PLXNA4: variants seen among roughly 807,000 people sequenced by gnomAD.
PLXNA4 encodes plexin-A4.
Under a neutral mutation model 191.8 loss-of-function variants are expected in PLXNA4, and 44 were observed. The ratio of observed to expected loss-of-function variants is 0.23; its 90% CI spans 0.18 to 0.29. The LOEUF is 0.29. PLXNA4 is among the 10% of genes least tolerant of loss of function. PLXNA4 has a pLI of 1.00. For synonymous variants in PLXNA4, 1,082 were observed against 1,009.5 expected (o/e 1.07, Z -1.36); for missense variants, 1,800 against 2,488.8 (o/e 0.72, Z 5.89).
At chr7:132,244,360 C>T (rs928171278) in intron 4 of PLXNA4, among the ~76,000 whole-genome samples, 1 of 152,230 alleles carries the variant, frequency 6.6e-6, no homozygotes, top group Non-Finnish European at 1.5e-5. Flanking sequence ...ACCAGGTCTA[C>T]CTTCAAGAAA....
chr7:132,436,881 C>A (rs1416782499), intron 3 of PLXNA4, among the ~76,000 whole-genome samples: 4 of 152,202 alleles, frequency 2.6e-5, no homozygotes, highest in Admixed American at 6.5e-5. Context: ...CCACTCAATG[C>A]AGGCTGCTTC....
intron 1 of PLXNA4, among the ~76,000 whole-genome samples, chr7:132,562,065 T>TC (rs1409072714): frequency 1.8e-5 from 2 of 110,860 alleles, no homozygotes; most frequent in African/African-American, 8.3e-5. Context: ...CTCCTCCTTC[T>TC]CCTCCTCTTC....
At chr7:132,442,491 G>T (rs773116601) in intron 3 of PLXNA4, among the ~76,000 whole-genome samples, 1 of 152,000 alleles carries the variant, frequency 6.6e-6, no homozygotes, top group African/African-American at 2.4e-5. Flanking sequence ...TACTTTTCTC[G>T]AACGGGCAAC....
At chr7:132,188,997 AG>A (rs58274676) in intron 14 of PLXNA4, among the ~76,000 whole-genome samples, 1 of 45,774 alleles carries the variant, frequency 2.2e-5, no homozygotes. Context: ...AGGAAAGGAG[AG>A]AGAGAGAGAG....
chr7:132,266,178 G>A (rs938857829), intron 4 of PLXNA4: 3 of 112,656 alleles, frequency 2.7e-5, no homozygotes, highest in African/African-American at 1.2e-4. Context: ...GTGTTTGGGT[G>A]TGGGTGTGGG....
At chr7:132,434,772 C>T (rs1046253885) in intron 3 of PLXNA4, among the ~76,000 whole-genome samples, 1 of 152,222 alleles carries the variant, frequency 6.6e-6, no homozygotes, top group African/African-American at 2.4e-5. Context: ...CTCTGACCAC[C>T]TTCAGCTGCA....
intron 3 of PLXNA4, among the ~76,000 whole-genome samples, chr7:132,404,152 A>C (rs1794114746): frequency 6.6e-6 from 1 of 152,170 alleles, no homozygotes; most frequent in Admixed American, 6.5e-5. Context: ...ATTAACCCAG[A>C]GGCCTTGACC....
intron 1 of PLXNA4, among the ~76,000 whole-genome samples, chr7:132,524,214 T>A (rs1292825961): frequency 1.3e-5 from 2 of 152,194 alleles, no homozygotes; most frequent in Non-Finnish European, 2.9e-5. Context: ...GGTCCTTGGC[T>A]GGAAGAACGG....
At chr7:132,227,862 A>C (rs1327242322) in intron 6 of PLXNA4, among the ~76,000 whole-genome samples, 1 of 152,210 alleles carries the variant, frequency 6.6e-6, no homozygotes. Context: ...AAGAATGCTT[A>C]AGGGATTTGC....
chr7:132,616,797 G>T (rs1233631082), intron 2 of PLXNA4, among the ~76,000 whole-genome samples: 1 of 152,046 alleles, frequency 6.6e-6, no homozygotes, highest in Non-Finnish European at 1.5e-5. Flanking sequence ...TTACCCACCG[G>T]CCCTTTCACG....
At chr7:132,343,252 A>C (rs1416588549) in intron 3 of PLXNA4, among the ~76,000 whole-genome samples, 1 of 152,210 alleles carries the variant, frequency 6.6e-6, no homozygotes, top group African/African-American at 2.4e-5. Flanking sequence ...CCTAACATAA[A>C]ATTGACCATC....
At chr7:132,626,713 G>T (rs1194854649) in intron 2 of PLXNA4, among the ~76,000 whole-genome samples, 1 of 152,028 alleles carries the variant, frequency 6.6e-6, no homozygotes, top group African/African-American at 2.4e-5. Flanking sequence ...AAATTACCCA[G>T]TTCCAGGTAT....
At chr7:132,596,393 A>G (rs1193791514) in intron 2 of PLXNA4, among the ~76,000 whole-genome samples, 3 of 152,316 alleles carry the variant, frequency 2.0e-5, no homozygotes, top group Middle Eastern at 3.4e-3. Flanking sequence ...ACTATGACAG[A>G]GCCACTGAAT....
At chr7:132,398,093 A>G (rs1404822934) in intron 3 of PLXNA4, among the ~76,000 whole-genome samples, 2 of 152,208 alleles carry the variant, frequency 1.3e-5, no homozygotes, top group Non-Finnish European at 2.9e-5. Flanking sequence ...TAAGCCACCT[A>G]GTCCAAAGCC....
chr7:132,203,599 G>A (rs1797516390), intron 10 of PLXNA4, among the ~76,000 whole-genome samples, 180 bp from the exon 11 acceptor site: 2 of 152,222 alleles, frequency 1.3e-5, no homozygotes, highest in African/African-American at 4.8e-5. Flanking sequence ...TGTGTGTACA[G>A]GCAGGGAAGT....
chr7:132,428,545 T>C (rs2117182369), intron 3 of PLXNA4, among the ~76,000 whole-genome samples: 1 of 152,232 alleles, frequency 6.6e-6, no homozygotes, highest in African/African-American at 2.4e-5. Context: ...AGATTTATTA[T>C]TTTGGGGTGA....
chr7:132,606,112 C>T (rs1345958198), intron 2 of PLXNA4, among the ~76,000 whole-genome samples: 1 of 152,074 alleles, frequency 6.6e-6, no homozygotes, highest in Non-Finnish European at 1.5e-5. Context: ...TGCAGTGAGC[C>T]GAGATCATGC....
chr7:132,402,286 T>C (rs1794017495), intron 3 of PLXNA4, among the ~76,000 whole-genome samples: 1 of 151,972 alleles, frequency 6.6e-6, no homozygotes. Context: ...GTGACAACAG[T>C]GAGAAGTGAC....
chr7:132,481,223 G>A (rs73444823), intron 3 of PLXNA4, among the ~76,000 whole-genome samples: 6,289 of 152,002 alleles, frequency 0.041, 213 homozygotes, highest in African/African-American at 0.084. Context: ...AGTTTCAACC[G>A]CCCTAGCATG....
Sources: gnomAD v4.1 joint callset for allele counts (sites outside exome capture counted in the v4.1 genomes callset) on GRCh38, gnomAD v4.1.1 for gene constraint, MANE v1.5 for transcripts, NCBI Gene and HGNC (gene_info 2026-07-23, HGNC 2026-07-21) for gene names.